UBE3B: variants seen among roughly 807,000 people sequenced by gnomAD.
The protein encoded by UBE3B is ubiquitin protein ligase E3B, also known as ubiquitin-protein ligase E3B.
UBE3B carries 80 observed loss-of-function variants against 132.3 expected under a neutral mutation model. The observed-to-expected ratio is 0.60, with a 90% confidence interval of 0.50 to 0.73. The LOEUF (loss-of-function observed/expected upper bound fraction) is 0.73. Ranked by LOEUF, UBE3B falls within the 30% of genes least tolerant of loss-of-function variation. The probability of loss-of-function intolerance (pLI) is 0.00; values close to 1 mark genes in which losing one functional copy is unlikely to be tolerated. For synonymous variants in UBE3B, 487 were observed against 520.4 expected, an observed-to-expected ratio of 0.94 and a Z score of 0.87; for missense variants, 1,196 against 1,362.5, an observed-to-expected ratio of 0.88 and a Z score of 1.92.
At chr12:109,512,382 C>T (rs1013765078) in intron 18 of UBE3B, among the ~76,000 whole-genome samples, 5 of 151,986 alleles carry the variant, frequency 3.3e-5, no homozygotes, top group Non-Finnish European at 4.4e-5. Context: ...GCCACACACC[C>T]GGGGGATGAG....
intron 9 of UBE3B, chr12:109,491,531 A>C (rs1412883303): frequency 6.3e-6 from 1 of 157,710 alleles, no homozygotes. Context: ...GTAAAATGTT[A>C]GAATTTGGAG....
At chr12:109,523,947 G>T (rs1396442828) in intron 21 of UBE3B, 31 bp from the exon 22 acceptor site, 2 of 1,612,346 alleles carry the variant, frequency 1.2e-6, no homozygotes, top group African/African-American at 2.7e-5. Context: ...AATCCTGGCT[G>T]ATGGACAGCT....
At chr12:109,523,277 C>T (rs1239410089) in intron 21 of UBE3B, among the ~76,000 whole-genome samples, 2 of 152,236 alleles carry the variant, frequency 1.3e-5, no homozygotes, top group East Asian at 3.8e-4. Flanking sequence ...ATGCCACAGC[C>T]GTCTGGCTGT....
chr12:109,514,841 A>C (rs1315165041), intron 18 of UBE3B, among the ~76,000 whole-genome samples: 1 of 151,648 alleles, frequency 6.6e-6, no homozygotes, highest in Non-Finnish European at 1.5e-5. Context: ...TCACGTCTAG[A>C]TCTGTCAACC....
chr12:109,485,777 A>G (rs1876333936), intron 4 of UBE3B, among the ~76,000 whole-genome samples: 1 of 152,184 alleles, frequency 6.6e-6, no homozygotes, highest in Non-Finnish European at 1.5e-5. Flanking sequence ...GAAGTATACC[A>G]GTTTCTAAAA....
intron 1 of UBE3B, among the ~76,000 whole-genome samples, chr12:109,480,092 A>G (rs1223938469): frequency 6.6e-6 from 1 of 152,130 alleles, no homozygotes; most frequent in African/African-American, 2.4e-5. Context: ...CATTTAAGAT[A>G]GGAAAAAAGT....
chr12:109,543,991 G>A, the UBE3B span, among the ~76,000 whole-genome samples: 38,864 of 151,976 alleles, frequency 0.26, 5,139 homozygotes, highest in African/African-American at 0.28. Flanking sequence ...TCCTGAGGGG[G>A]TGTCGGCCTC....
rs941367657 is a variant in UBE3B, at chr12:109,521,354, C to G, written c.2253+30C>G. On this transcript the variant is annotated intron_variant, in intron 20 of 27. Transcript: ENST00000342494. This position sits in a 1 kb window ranked among gnomAD's most constrained non-coding sequence, Gnocchi z 4.2. Reference sequence around the variant, plus strand: ...TTAAGGGGAGCAACAGCAGGGCTGACAGCAGCCAGATTCAAGAAGTGAAGA... The same window carrying G: ...TTAAGGGGAGCAACAGCAGGGCTGAGAGCAGCCAGATTCAAGAAGTGAAGA... 2 of 1,606,010 alleles carry G rather than the reference C, an allele frequency of 1.2e-6. No homozygotes were observed. The highest frequency in any genetic ancestry group is 2.7e-5 in the African/African-American group (2 of 74,936).
intron 18 of UBE3B, among the ~76,000 whole-genome samples, chr12:109,516,167 C>CTTTTTTTTTTTTTTTTTTTTT (rs59084691): frequency 3.3e-5 from 3 of 91,140 alleles, no homozygotes; most frequent in Admixed American, 1.3e-4. Flanking sequence ...TCTTTTTTTT[C>CTTTTTTTTTTTTTTTTTTTTT]TTTTTTTTTT....
chr12:109,508,847 C>T, intron 15 of UBE3B: 1 of 722,046 alleles, frequency 1.4e-6, no homozygotes, highest in Non-Finnish European at 1.7e-6. Context: ...CTCACAAATG[C>T]TTACTAAGTA....
chr12:109,532,322 A>G (rs939490885), intron 26 of UBE3B, among the ~76,000 whole-genome samples: 1 of 152,250 alleles, frequency 6.6e-6, no homozygotes, highest in Non-Finnish European at 1.5e-5. Flanking sequence ...TGCTTCCTGC[A>G]TTGATGCTGC....
intron 9 of UBE3B, chr12:109,491,464 G>T (rs1038815702): frequency 1.5e-5 from 3 of 206,474 alleles, no homozygotes; most frequent in Non-Finnish European, 2.9e-5. Context: ...CTAGGAGCCA[G>T]GAGAAGCCCA....
chr12:109,538,426 C>T (rs1308263594), downstream of UBE3B, among the ~76,000 whole-genome samples: 1 of 152,204 alleles, frequency 6.6e-6, no homozygotes, highest in Non-Finnish European at 1.5e-5. The surrounding 1 kb of genome is among the most constrained non-coding windows in gnomAD (Gnocchi z 4.1). Flanking sequence ...GAGCAAACCC[C>T]AACCCTCCAC....
At chr12:109,485,489 A>G (rs1020644501) in intron 4 of UBE3B, among the ~76,000 whole-genome samples, 2 of 152,236 alleles carry the variant, frequency 1.3e-5, no homozygotes, top group Non-Finnish European at 2.9e-5. Context: ...AGCTTGCCCA[A>G]TATCACATGG....
Position 109,535,589 on chromosome 12 carries a change from C to G in UBE3B, c.*807C>G, listed in dbSNP as rs1464392740. 2 of 152,290 alleles carry G rather than the reference C, an allele frequency of 1.3e-5. No homozygotes were observed. The highest frequency in any genetic ancestry group is 4.8e-5 in the African/African-American group (2 of 41,462). The allele number at this position is 152,290 out of a possible 1,614,324, so 9.4% of individuals were successfully genotyped here. A position where few individuals can be genotyped will look rare whatever the true frequency, so the allele number is the denominator to read the frequency against. The stretch of plus-strand genomic sequence containing the variant: ...TGTGCTGCCTGTTCCCCAAAGCCTG[C>G]TTGTCCCGCGGAGGACGGCTGCCTT... On this transcript the variant is annotated 3_prime_UTR_variant, in exon 28 of 28. Transcript: ENST00000342494.
intron 1 of UBE3B, among the ~76,000 whole-genome samples, chr12:109,480,824 G>T (rs1211969715): frequency 6.6e-6 from 1 of 152,020 alleles, no homozygotes; most frequent in Non-Finnish European, 1.5e-5. Flanking sequence ...AAAATTTCCC[G>T]CAATTTCAGT....
At chr12:109,528,294 C>T in intron 24 of UBE3B, 1 of 977,896 alleles carries the variant, frequency 1.0e-6, no homozygotes, top group Non-Finnish European at 1.2e-6. Context: ...CCCTCCCTCT[C>T]ACCTCCTCCC....
chr12:109,510,274 CAA>C (rs1880197024), intron 16 of UBE3B, 68 bp from the exon 17 acceptor site: 8 of 1,249,348 alleles, frequency 6.4e-6, no homozygotes, highest in Non-Finnish European at 8.0e-6. Context: ...CTGCGGAAGA[CAA>C]GAGCTGTCCT....
intron 19 of UBE3B, among the ~76,000 whole-genome samples, chr12:109,517,574 T>C (rs1452264526): frequency 6.6e-6 from 1 of 152,198 alleles, no homozygotes; most frequent in Non-Finnish European, 1.5e-5. Context: ...GTCTGTGTTA[T>C]CCATGCCACA....
Sources: gnomAD v4.1 joint callset for allele counts (sites outside exome capture counted in the v4.1 genomes callset) on GRCh38, gnomAD v4.1.1 for gene constraint, Gnocchi (gnomAD v3.1) non-coding constraint, MANE v1.5 for transcripts, NCBI Gene and HGNC (gene_info 2026-07-23, HGNC 2026-07-21) for gene names.